The following CLIC5 variants were observed in gnomAD, a reference collection of about 807,000 sequenced individuals.
CLIC5 encodes CLIC family member 5, also known as chloride intracellular channel protein 5.
Under a neutral mutation model 24.7 loss-of-function variants are expected in CLIC5, and 20 were observed. The observed-to-expected ratio is 0.81, with a 90% confidence interval of 0.57 to 1.18. The LOEUF (loss-of-function observed/expected upper bound fraction) is 1.18, where lower values mean the gene tolerates loss of function less well. Ranked by LOEUF, CLIC5 falls within the 50% of genes most tolerant of loss-of-function variation. The probability of loss-of-function intolerance (pLI) is 0.00; values close to 1 mark genes in which losing one functional copy is unlikely to be tolerated. For synonymous variants in CLIC5, 159 were observed against 135.6 expected, an observed-to-expected ratio of 1.17 and a Z score of -1.20; for missense variants, 341 against 326.1, an observed-to-expected ratio of 1.05 and a Z score of -0.35.
chr6:46,061,583 A>C (rs1020106128), intron 1 of CLIC5, among the ~76,000 whole-genome samples: 10 of 152,092 alleles, frequency 6.6e-5, no homozygotes, highest in South Asian at 2.1e-4. Flanking sequence ...GGCCTTAGAG[A>C]CTAGAGGGGC....
the CLIC5 span, among the ~76,000 whole-genome samples, chr6:46,108,028 C>A: frequency 2.0e-5 from 1 of 49,104 alleles, no homozygotes; most frequent in Non-Finnish European, 4.9e-5. Flanking sequence ...GAGCAAAACT[C>A]CATCAAAAAA....
rs1764146284 is a variant in CLIC5 at position 45,941,945 on chromosome 6, A to G, written c.300-292T>C. 2.6e-5 allele frequency among the ~76,000 whole-genome samples: 4 copies of G among 152,262 alleles called. No homozygotes were observed. The South Asian group carries it at 8.3e-4, about 32-fold the overall frequency. On this transcript the variant is annotated intron_variant, in intron 3 of 5. Transcript: ENST00000339561. The stretch of plus-strand genomic sequence containing the variant: ...CAGGATGTGTCCTTTTCTTGGGACC[A>G]CCAATAAGGATGTGCCAGTGGGATG...
chr6:46,019,852 G>A (rs1453943267), upstream of CLIC5, among the ~76,000 whole-genome samples: 1 of 151,094 alleles, frequency 6.6e-6, no homozygotes, highest in Non-Finnish European at 1.5e-5. Context: ...TAATAACAGA[G>A]CCAGCTCACC....
At chr6:46,046,123 A>T (rs920961066) in intron 1 of CLIC5, among the ~76,000 whole-genome samples, 1 of 152,238 alleles carries the variant, frequency 6.6e-6, no homozygotes, top group African/African-American at 2.4e-5. Context: ...TTGAAAGTAC[A>T]GAAACAAAGT....
Position 45,955,166 on chromosome 6 carries a change from C to T in CLIC5, c.142G>A (p.Val48Met), listed in dbSNP as rs200022298. Residue 48 changes from valine to methionine, a missense_variant, in exon 2 of 6, where the codon GTG (valine) becomes ATG (methionine). Val to Met is a conservative substitution (Grantham distance 21, BLOSUM62 1). Coordinates refer to ENST00000339561, the MANE Select transcript of CLIC5 (RefSeq NM_016929.5). ...AGATCCACAGTGGTGACATTGAACA[C>T]GACTCCTTTCAGCCAGAGGATCATG... is the stretch of plus-strand genomic sequence containing the variant. ...LFMILWLKGV[V>M]FNVTTVDLKR... 3.3e-5 allele frequency: 54 copies of T among 1,613,822 alleles called. No individual in the cohort carries two copies. In the Admixed American group the frequency reaches 4.3e-4, roughly 13 times the overall value.
intron 4 of CLIC5, among the ~76,000 whole-genome samples, chr6:45,939,125 A>G (rs535761359): frequency 1.3e-5 from 2 of 151,870 alleles, no homozygotes; most frequent in Non-Finnish European, 2.9e-5. Context: ...CGGAAAGCTA[A>G]GAGTTCCCTG....
intron 4 of CLIC5, among the ~76,000 whole-genome samples, chr6:45,939,896 C>T (rs1764072224): frequency 6.6e-6 from 1 of 151,302 alleles, no homozygotes; most frequent in South Asian, 2.1e-4. Context: ...CACTACTCAA[C>T]ACACTATAGG....
At chr6:45,999,333 G>A (rs1766264342) in intron 1 of CLIC5, among the ~76,000 whole-genome samples, 1 of 152,176 alleles carries the variant, frequency 6.6e-6, no homozygotes, top group Admixed American at 6.5e-5. Context: ...TGAAAAGATA[G>A]GTATGGATTT....
At chr6:46,074,774 T>C (rs949093090) in intron 1 of CLIC5, among the ~76,000 whole-genome samples, 3 of 152,198 alleles carry the variant, frequency 2.0e-5, no homozygotes, top group African/African-American at 7.2e-5. Context: ...CATATACACA[T>C]GTACACACTG....
chr6:46,037,937 G>T (rs1006227963), intron 1 of CLIC5, among the ~76,000 whole-genome samples: 3 of 152,188 alleles, frequency 2.0e-5, no homozygotes, highest in African/African-American at 7.2e-5. Context: ...ATTACATTGA[G>T]AAGATTAGGC....
intron 3 of CLIC5, among the ~76,000 whole-genome samples, chr6:45,944,083 A>T (rs1476494568): frequency 1.3e-5 from 2 of 152,226 alleles, no homozygotes; most frequent in African/African-American, 4.8e-5. Flanking sequence ...TTGAAATAAC[A>T]TTGGATGTGA....
chr6:46,006,346 A>AGTCTGGTCTCGAAC (rs561501939), intron 1 of CLIC5, among the ~76,000 whole-genome samples: 3,429 of 151,530 alleles, frequency 0.023, 52 homozygotes, highest in Non-Finnish European at 0.036. Flanking sequence ...GGGTTTCACC[A>AGTCTGGTCTCGAAC]TATTGGCCAG....
At chr6:46,006,634 C>T (rs913371561) in intron 1 of CLIC5, among the ~76,000 whole-genome samples, 3 of 151,834 alleles carry the variant, frequency 2.0e-5, no homozygotes, top group African/African-American at 7.3e-5. Context: ...TTGGCTAACT[C>T]CTCACGTGCC....
chr6:45,975,469 C>T (rs1210135359), intron 1 of CLIC5, among the ~76,000 whole-genome samples: 1 of 152,020 alleles, frequency 6.6e-6, no homozygotes, highest in Non-Finnish European at 1.5e-5. Flanking sequence ...TAACTTTGGC[C>T]AACAGTGACT....
intron 5 of CLIC5, among the ~76,000 whole-genome samples, chr6:45,908,105 A>G (rs1384796645): frequency 6.6e-6 from 1 of 152,094 alleles, no homozygotes; most frequent in African/African-American, 2.4e-5. Context: ...CTGTGAGCTC[A>G]ATTGTAATGT....
At chr6:46,114,716 T>C in the CLIC5 span, among the ~76,000 whole-genome samples, 8 of 152,316 alleles carry the variant, frequency 5.3e-5, no homozygotes, top group African/African-American at 1.7e-4. Flanking sequence ...AGAAAATAAA[T>C]TGCTATTGTT....
intron 4 of CLIC5, chr6:45,920,108 G>C: frequency 1.1e-6 from 1 of 944,126 alleles, no homozygotes; most frequent in Non-Finnish European, 1.3e-6. Context: ...TTCCCCTCAT[G>C]ACTCCCCCAT....
chr6:45,980,683 A>G (rs1384937563), intron 1 of CLIC5, among the ~76,000 whole-genome samples: 1 of 152,072 alleles, frequency 6.6e-6, no homozygotes, highest in Non-Finnish European at 1.5e-5. Flanking sequence ...TGCAAAATGT[A>G]TCGGTTGTAT....
upstream of CLIC5, among the ~76,000 whole-genome samples, chr6:46,083,470 T>C (rs1762965511): frequency 6.6e-6 from 1 of 152,226 alleles, no homozygotes; most frequent in Admixed American, 6.5e-5. Flanking sequence ...TTCTGGTATG[T>C]TGTGTCTTTG....
Sources: gnomAD v4.1 joint callset for allele counts (sites outside exome capture counted in the v4.1 genomes callset) on GRCh38, gnomAD v4.1.1 for gene constraint, MANE v1.5 for transcripts, NCBI Gene and HGNC (gene_info 2026-07-23, HGNC 2026-07-21) for gene names.